CNTN4: variants seen among roughly 807,000 people sequenced by gnomAD.
CNTN4 encodes the protein contactin-4.
CNTN4 carries 77 observed loss-of-function variants against 122.5 expected under a neutral mutation model. The observed-to-expected ratio is 0.63, with a 90% CI of 0.52 to 0.76. CNTN4 has a LOEUF of 0.76. CNTN4 is among the 30% of genes least tolerant of loss of function. The pLI is 0.00. For synonymous variants in CNTN4, 512 were observed against 447.0 expected (o/e 1.15, Z -1.83); for missense variants, 1,256 against 1,259.1 (o/e 1.00, Z 0.04).
At chr3:2,484,810 G>T (rs1480665230) in intron 3 of CNTN4, among the ~76,000 whole-genome samples, 1 of 152,206 alleles carries the variant, frequency 6.6e-6, no homozygotes, top group African/African-American at 2.4e-5. Context: ...GCCCACTCTG[G>T]CCATGCTCGA....
At chr3:2,120,356 TATATATATATATATATAA>T (rs1559260546) in intron 2 of CNTN4, among the ~76,000 whole-genome samples, 3 of 51,498 alleles carry the variant, frequency 5.8e-5, no homozygotes, top group African/African-American at 1.2e-4. Context: ...TTAGGTTATA[TATATATATATATATATAA>T]ATATATATAT....
chr3:2,845,696 A>T (rs1460091066), intron 7 of CNTN4, among the ~76,000 whole-genome samples: 2 of 152,200 alleles, frequency 1.3e-5, no homozygotes, highest in East Asian at 3.9e-4. Context: ...ACTCAGATCA[A>T]TCCTGGAAGT....
intron 3 of CNTN4, among the ~76,000 whole-genome samples, chr3:2,456,660 A>G (rs114112072): frequency 0.017 from 2,633 of 152,214 alleles, 75 homozygotes; most frequent in African/African-American, 0.06. Flanking sequence ...TTAGCATGAT[A>G]TGTCTGAGAC....
intron 3 of CNTN4, among the ~76,000 whole-genome samples, chr3:2,347,341 C>A (rs2044434789): frequency 8.0e-6 from 1 of 125,464 alleles, no homozygotes; most frequent in South Asian, 2.6e-4. Flanking sequence ...TGACACACGT[C>A]ATTTTTCCTC....
intron 6 of CNTN4, among the ~76,000 whole-genome samples, chr3:2,814,157 A>T (rs1477387913): frequency 6.6e-6 from 1 of 152,252 alleles, no homozygotes; most frequent in Non-Finnish European, 1.5e-5. Context: ...GGAAAAAGTT[A>T]TGTAAAATGC....
chr3:2,443,951 C>T (rs762321668), intron 3 of CNTN4, among the ~76,000 whole-genome samples: 3 of 152,106 alleles, frequency 2.0e-5, no homozygotes, highest in East Asian at 1.9e-4. Flanking sequence ...CGTAGTTTAT[C>T]GGATAAACCA....
chr3:2,600,765 G>A (rs991102425), intron 4 of CNTN4, among the ~76,000 whole-genome samples: 1 of 152,130 alleles, frequency 6.6e-6, no homozygotes, highest in Non-Finnish European at 1.5e-5. Context: ...AGATCCTTGA[G>A]GAATCTCCAC....
chr3:2,969,531 T>TATG (rs1559733428), intron 13 of CNTN4, among the ~76,000 whole-genome samples: 2 of 145,924 alleles, frequency 1.4e-5, no homozygotes, highest in African/African-American at 5.3e-5. Context: ...TTATTATTAT[T>TATG]ATTATTATTC....
intron 4 of CNTN4, among the ~76,000 whole-genome samples, chr3:2,577,541 A>G (rs191335598): frequency 6.6e-6 from 1 of 152,202 alleles, no homozygotes; most frequent in Non-Finnish European, 1.5e-5. Context: ...ACAATGAAGG[A>G]GTTGAACAGA....
rs923972363 is a variant in CNTN4 at position 2,890,115 on chromosome 3, A to G, written c.940+2891A>G. Among the ~76,000 whole-genome samples, 7 of 152,258 alleles carry G rather than the reference A, an allele frequency of 4.6e-5. 1 individual carries two copies. The highest frequency in any genetic ancestry group is 3.3e-4 in the Admixed American group (5 of 15,284). On this transcript the variant is annotated intron_variant, in intron 10 of 24. Coordinates refer to ENST00000418658, the MANE Select transcript of CNTN4 (RefSeq NM_175607.3). ...CTTGGTGTTAAAAACTTGTCAGATC[A>G]GTTGACTTCCACAGCACTTGGCTAT...
At chr3:2,279,781 C>T (rs974228332) in intron 2 of CNTN4, among the ~76,000 whole-genome samples, 2 of 150,810 alleles carry the variant, frequency 1.3e-5, no homozygotes, top group Non-Finnish European at 1.5e-5. Flanking sequence ...CTACATATAT[C>T]TATATATATA....
At chr3:2,110,925 A>G (rs2032902216) in intron 2 of CNTN4, among the ~76,000 whole-genome samples, 1 of 152,220 alleles carries the variant, frequency 6.6e-6, no homozygotes, top group African/African-American at 2.4e-5. Context: ...CAGTAGCATC[A>G]TGTTAGTGAA....
rs2149328043 is a variant in CNTN4 at position 2,709,657 on chromosome 3, T to TA, written c.56-26556dup. Among the ~76,000 whole-genome samples, 1 of 152,290 alleles carries TA rather than the reference T, an allele frequency of 6.6e-6. No homozygotes were observed. The highest frequency in any genetic ancestry group is 2.4e-5 in the African/African-American group (1 of 41,554). On this transcript the variant is annotated intron_variant, in intron 4 of 24. Transcript: ENST00000418658. The surrounding 1 kb of genome is among the most constrained non-coding windows in gnomAD (Gnocchi z 5.0). ...GGCTGGGTGCGGTGGCTCTCACCTGTAACCGCAGCACTTTGGGAGGCTGAG... is the reference window on the plus strand; with the variant it reads ...GGCTGGGTGCGGTGGCTCTCACCTGTAAACCGCAGCACTTTGGGAGGCTGAG...
chr3:2,593,868 C>T (rs2080625291), intron 4 of CNTN4, among the ~76,000 whole-genome samples: 1 of 152,078 alleles, frequency 6.6e-6, no homozygotes, highest in Non-Finnish European at 1.5e-5. Flanking sequence ...TATTGCATTT[C>T]CTGTGATGTC....
At chr3:2,863,444 C>CTTTTTTTTTTTTTTTTTTTT (rs5846228) in intron 7 of CNTN4, among the ~76,000 whole-genome samples, 1 of 92,364 alleles carries the variant, frequency 1.1e-5, no homozygotes, top group African/African-American at 4.3e-5. Flanking sequence ...ATGGTTTCTT[C>CTTTTTTTTTTTTTTTTTTTT]TTTTTTTTTT....
chr3:2,318,622 T>A (rs1158091540), intron 2 of CNTN4, among the ~76,000 whole-genome samples: 1 of 152,014 alleles, frequency 6.6e-6, no homozygotes, highest in Non-Finnish European at 1.5e-5. Flanking sequence ...ATTTTATACG[T>A]CTGGTTTTTT....
intron 4 of CNTN4, among the ~76,000 whole-genome samples, chr3:2,599,608 A>T (rs892501130): frequency 6.6e-6 from 1 of 152,190 alleles, no homozygotes; most frequent in African/African-American, 2.4e-5. Context: ...GGCTTACATC[A>T]GTTTCTGTAT....
intron 3 of CNTN4, among the ~76,000 whole-genome samples, chr3:2,556,638 A>G (rs934545094): frequency 5.3e-5 from 8 of 151,190 alleles, no homozygotes; most frequent in African/African-American, 2.0e-4. Context: ...ATGTGTACCT[A>G]CAAACACACA....
At chr3:2,527,852 C>T (rs1299500035) in intron 3 of CNTN4, among the ~76,000 whole-genome samples, 1 of 152,112 alleles carries the variant, frequency 6.6e-6, no homozygotes, top group Non-Finnish European at 1.5e-5. Context: ...ATACTTGATC[C>T]TCCCCCTTTT....
Sources: allele counts gnomAD v4.1 joint callset (sites outside exome capture counted in the v4.1 genomes callset), GRCh38; gene constraint gnomAD v4.1.1; non-coding constraint Gnocchi (gnomAD v3.1); transcripts MANE v1.5; gene names NCBI Gene and HGNC (gene_info 2026-07-23, HGNC 2026-07-21).